Variants in SNX16 observed in about 807,000 individuals in gnomAD.
SNX16 encodes the protein sorting nexin 16, also known as sorting nexin-16.
In SNX16, 35 loss-of-function variants were observed where a neutral mutation model predicts 36.7. That is an observed-to-expected ratio of 0.95 (90% confidence interval 0.73 to 1.27). SNX16 has a LOEUF of 1.27. Among genes scored for constraint, SNX16 ranks in the 50% most tolerant of loss-of-function variants. The probability of loss-of-function intolerance (pLI) is 0.00; values close to 1 mark genes in which losing one functional copy is unlikely to be tolerated. For missense variants in SNX16, 367 were observed against 393.6 expected, an observed-to-expected ratio of 0.93 and a Z score of 0.57; for synonymous variants, 134 against 132.0, an observed-to-expected ratio of 1.02 and a Z score of -0.10.
At chr8:81,840,713 A>G (rs1224995850) in intron 1 of SNX16, among the ~76,000 whole-genome samples, 1 of 152,226 alleles carries the variant, frequency 6.6e-6, no homozygotes, top group Non-Finnish European at 1.5e-5. Context: ...AAAATTAAAT[A>G]GTGAAAATTG....
At chr8:81,837,554 T>C (rs189295484) in intron 2 of SNX16, among the ~76,000 whole-genome samples, 1 of 152,314 alleles carries the variant, frequency 6.6e-6, no homozygotes. Flanking sequence ...TTCTGGTTTA[T>C]AGATGGTGCC....
Position 81,839,906 on chromosome 8 carries a change from A to G in SNX16, c.81T>C (p.Ser27=), listed in dbSNP as rs762611517. 44 of 1,613,914 alleles carry G rather than the reference A, an allele frequency of 2.7e-5. No individual in the cohort carries two copies. In the South Asian group the frequency reaches 4.7e-4, roughly 17 times the overall value. Reference sequence around the variant, plus strand: ...TTGTTGAGACACTGCCAAAAGAAGAACTTCTTTGATTTCTGTTTGTTGTAA... The same window carrying G: ...TTGTTGAGACACTGCCAAAAGAAGAGCTTCTTTGATTTCTGTTTGTTGTAA... ...SSFTTNRNQR[S]SSFGSVSTSS... Residue 27 remains serine, a synonymous_variant, in exon 2 of 8, where the codon AGT becomes AGC. Transcript: ENST00000345957.
At chr8:81,801,670 T>C (rs1490682322) in intron 7 of SNX16, 77 bp from the exon 8 acceptor site, 3 of 816,260 alleles carry the variant, frequency 3.7e-6, no homozygotes, top group Admixed American at 5.5e-5. Flanking sequence ...CACTATTACC[T>C]TTAAAAATCT....
Position 81,839,679 on chromosome 8 carries a change from C to G in SNX16, c.308G>C (p.Trp103Ser). The change falls in exon 2 of 8, where the codon TGG becomes TCG. Residue 103 changes from tryptophan (W) to serine (S), a missense_variant. Coordinates refer to ENST00000345957, the MANE Select transcript of SNX16 (RefSeq NM_152836.3). The stretch of plus-strand genomic sequence containing the variant: ...AGTAGGTGTAGATGGTCTATCTTCC[C>G]AATTCACTGTTTCCGGATTTTGTTC... Reference protein sequence around the residue: ...TEEQNPETVNWEDRPSTPTIL... With the variant: ...TEEQNPETVNSEDRPSTPTIL... 1.9e-6 allele frequency: 3 copies of G among 1,613,744 alleles called. No homozygotes were observed. The highest frequency in any genetic ancestry group is 1.7e-6 in the Non-Finnish European group (2 of 1,179,742).
At chr8:81,817,019 C>T (rs1437854689) in intron 4 of SNX16, among the ~76,000 whole-genome samples, 1 of 152,110 alleles carries the variant, frequency 6.6e-6, no homozygotes, top group African/African-American at 2.4e-5. Flanking sequence ...TCTATCCACC[C>T]ATTATTTATA....
chr8:81,813,438 C>T (rs996392935), intron 5 of SNX16, among the ~76,000 whole-genome samples: 1 of 151,318 alleles, frequency 6.6e-6, no homozygotes, highest in African/African-American at 2.4e-5. Context: ...AAAAAATTAA[C>T]CCAAAATAGA....
chr8:81,817,091 G>A (rs1341225956), intron 4 of SNX16, among the ~76,000 whole-genome samples: 2 of 152,110 alleles, frequency 1.3e-5, no homozygotes, highest in African/African-American at 4.8e-5. Context: ...GGGATTGAGA[G>A]GTCAAGTTTG....
chr8:81,835,208 C>T (rs1320920776), intron 2 of SNX16, among the ~76,000 whole-genome samples: 5 of 152,318 alleles, frequency 3.3e-5, no homozygotes, highest in African/African-American at 7.2e-5. Context: ...ATGGCTGGAG[C>T]GGCTGGGACG....
chr8:81,834,738 A>C (rs1203331029), intron 2 of SNX16, among the ~76,000 whole-genome samples: 1 of 152,116 alleles, frequency 6.6e-6, no homozygotes, highest in Non-Finnish European at 1.5e-5. Context: ...CTGCTCATGC[A>C]AGAGGTGGGC....
At chr8:81,824,515 T>A (rs1167780022) in intron 3 of SNX16, among the ~76,000 whole-genome samples, 1 of 151,658 alleles carries the variant, frequency 6.6e-6, no homozygotes, top group Non-Finnish European at 1.5e-5. Flanking sequence ...TTTTATGGTT[T>A]ATGCTTTTTT....
At chr8:81,836,892 T>C (rs1811517524) in intron 2 of SNX16, among the ~76,000 whole-genome samples, 1 of 152,238 alleles carries the variant, frequency 6.6e-6, no homozygotes, top group Non-Finnish European at 1.5e-5. Context: ...CAGTGCCTCC[T>C]TCCCTATGTG....
chr8:81,836,814 CAT>C (rs1227754983), intron 2 of SNX16, among the ~76,000 whole-genome samples: 1 of 152,230 alleles, frequency 6.6e-6, no homozygotes, highest in Non-Finnish European at 1.5e-5. Context: ...TGTCAGATCA[CAT>C]GACTCTTCTT....
chr8:81,821,416 T>C (rs1004871364), intron 4 of SNX16, among the ~76,000 whole-genome samples: 4 of 151,880 alleles, frequency 2.6e-5, no homozygotes, highest in Non-Finnish European at 5.9e-5. Context: ...TACAGAGACA[T>C]AAAGGTTTAC....
rs1181192931 is a variant in SNX16 at position 81,815,375 on chromosome 8, G to C, written c.631C>G (p.Leu211Val). The C allele has an allele frequency of 1.2e-6, 2 of 1,611,718 alleles. No homozygotes were observed. The highest frequency in any genetic ancestry group is 1.7e-6 in the Non-Finnish European group (2 of 1,178,840). ...GGACCCGGTGGATCATCCAAACAAA[G>C]AAATTCTCTCACTGCAAGGCTTTTC... ...IANCLAVREF[L>V]CLDDPPGPFD... Residue 211 changes from leucine (L) to valine (V), a missense_variant, in exon 5 of 8, where the codon CTT becomes GTT. Leu to Val is a conservative substitution (Grantham distance 32, BLOSUM62 1). Coordinates refer to ENST00000345957, the MANE Select transcript of SNX16 (RefSeq NM_152836.3).
At chr8:81,840,275 T>G in intron 1 of SNX16, 193 bp from the exon 2 acceptor site, 1 of 261,260 alleles carries the variant, frequency 3.8e-6, no homozygotes, top group Non-Finnish European at 7.3e-6. Context: ...CACACTCTTT[T>G]TCCTTGACTC....
chr8:81,801,907 A>T (rs1382465985), intron 7 of SNX16, among the ~76,000 whole-genome samples: 2 of 151,702 alleles, frequency 1.3e-5, no homozygotes, highest in Non-Finnish European at 3.0e-5. Flanking sequence ...GACCATTACC[A>T]CTAAACTATT....
rs757337359 is a variant in SNX16 at position 81,839,825 on chromosome 8, C to G, written c.162G>C (p.Gln54His). 1.2e-6 allele frequency: 2 copies of G among 1,613,722 alleles called. No homozygotes were observed. The highest frequency in any genetic ancestry group is 1.7e-6 in the Non-Finnish European group (2 of 1,179,668). The stretch of plus-strand genomic sequence containing the variant: ...TATCCATTTGATCAGGAACACTTGT[C>G]TGTTTAAAATTACCCATATTTGAGT... ...LEDSNMGNFK[Q>H]TSVPDQMDNT... The change falls in exon 2 of 8, where the codon CAG becomes CAC. Residue 54 changes from glutamine to histidine, a missense_variant. Physicochemically the swap from Gln to His is conservative, Grantham distance 24. Coordinates refer to ENST00000345957, the MANE Select transcript of SNX16 (RefSeq NM_152836.3).
In SNX16 at chr8:81,818,704, G is replaced by A. The variant is rs76845561; in HGVS notation, c.612-3310C>T. ...GTTGTTATTCCTATTTTATATGTTAGCCTTGCTATTCAAAATGAGGTTATT... is the reference window on the plus strand; with the variant it reads ...GTTGTTATTCCTATTTTATATGTTAACCTTGCTATTCAAAATGAGGTTATT... On this transcript the variant is annotated intron_variant, in intron 4 of 7. Transcript: ENST00000345957. Among the ~76,000 whole-genome samples the A allele has an allele frequency of 2.9e-3, 448 of 152,128 alleles. 2 individuals are homozygous for A. Among genetic ancestry groups the A allele is most frequent in the African/African-American group, 0.01 (433 of 41,536 alleles).
intron 4 of SNX16, among the ~76,000 whole-genome samples, chr8:81,822,937 T>TACAC (rs1554546197): frequency 2.5e-5 from 2 of 80,978 alleles, no homozygotes; most frequent in Non-Finnish European, 4.9e-5. Flanking sequence ...TATATATATA[T>TACAC]ATACATATAC....
Sources: gnomAD v4.1 joint callset for allele counts (sites outside exome capture counted in the v4.1 genomes callset) on GRCh38, gnomAD v4.1.1 for gene constraint, MANE v1.5 for transcripts, NCBI Gene and HGNC (gene_info 2026-07-23, HGNC 2026-07-21) for gene names.